Variants in IL1RAPL1 observed in about 807,000 individuals in gnomAD.
IL1RAPL1 encodes interleukin-1 receptor accessory protein-like 1.
A neutral mutation model predicts 48.4 loss-of-function variants in IL1RAPL1; 3 were observed. The observed-to-expected ratio is 0.06, with a 90% CI of 0.03 to 0.16. IL1RAPL1 has a LOEUF of 0.16. Among genes scored for constraint, IL1RAPL1 ranks in the 10% least tolerant of loss-of-function variants. The pLI is 1.00. For missense variants in IL1RAPL1, 349 were observed against 530.6 expected, an observed-to-expected ratio of 0.66 and a Z score of 3.36; for synonymous variants, 185 against 187.7, an observed-to-expected ratio of 0.99 and a Z score of 0.12.
intron 5 of IL1RAPL1, among the ~76,000 whole-genome samples, chrX:29,514,558 C>T (rs758062678): frequency 8.9e-6 from 1 of 112,420 alleles, no homozygotes; most frequent in South Asian, 3.7e-4. Flanking sequence ...AAGCAATTTT[C>T]ATGCCTCAGC....
chrX:29,376,173 G>A (rs1427300732), intron 3 of IL1RAPL1, among the ~76,000 whole-genome samples: 2 of 111,027 alleles, frequency 1.8e-5, no homozygotes, highest in Non-Finnish European at 3.8e-5. Flanking sequence ...GTTAATTTGA[G>A]ATCTTTCTAA....
intron 5 of IL1RAPL1, among the ~76,000 whole-genome samples, chrX:29,506,460 C>CTCCTCCTCCTCA (rs1935330695): frequency 9.2e-6 from 1 of 109,084 alleles, no homozygotes; most frequent in African/African-American, 3.4e-5. Flanking sequence ...CCTCCTCCTC[C>CTCCTCCTCCTCA]TCCTCCTTCT....
At chrX:28,688,611 G>A (rs761509570) in intron 1 of IL1RAPL1, among the ~76,000 whole-genome samples, 1 of 111,841 alleles carries the variant, frequency 8.9e-6, no homozygotes, top group East Asian at 2.8e-4. Context: ...TTTGAAAACA[G>A]GGAAACAGGG....
chrX:28,626,893 A>G (rs1424384556), intron 1 of IL1RAPL1, among the ~76,000 whole-genome samples: 1 of 111,918 alleles, frequency 8.9e-6, no homozygotes, highest in Non-Finnish European at 1.9e-5. Context: ...TGGGTCCTGG[A>G]TCTACAGAAT....
intron 2 of IL1RAPL1, among the ~76,000 whole-genome samples, chrX:28,954,677 T>G (rs903844609): frequency 5.4e-5 from 6 of 111,367 alleles, no homozygotes; most frequent in Non-Finnish European, 1.1e-4. Context: ...ATAACATGCA[T>G]GTATTATTTA....
intron 2 of IL1RAPL1, among the ~76,000 whole-genome samples, chrX:28,803,042 A>G (rs6630768): frequency 0.052 from 5,827 of 111,279 alleles, 319 homozygotes; most frequent in East Asian, 0.31. Flanking sequence ...AGAAATGTTC[A>G]TTGAGATCTT....
chrX:29,322,543 G>A (rs1333323236), intron 3 of IL1RAPL1, among the ~76,000 whole-genome samples: 4 of 112,320 alleles, frequency 3.6e-5, no homozygotes, highest in African/African-American at 1.3e-4. Flanking sequence ...GGGATTACAG[G>A]CATGAGCCAC....
At chrX:29,861,368 G>A (rs989792066) in intron 6 of IL1RAPL1, among the ~76,000 whole-genome samples, 11 of 111,582 alleles carry the variant, frequency 9.9e-5, no homozygotes, top group African/African-American at 3.6e-4. Context: ...TCAGGTGTCA[G>A]TATTTTAATA....
chrX:29,072,054 T>G (rs1487246897), intron 2 of IL1RAPL1, among the ~76,000 whole-genome samples: 2 of 111,239 alleles, frequency 1.8e-5, no homozygotes, highest in Non-Finnish European at 3.8e-5. Context: ...CTGTTCATTA[T>G]TAGTCTCTTC....
chrX:28,830,442 T>C (rs1456509197), intron 2 of IL1RAPL1, among the ~76,000 whole-genome samples: 1 of 111,976 alleles, frequency 8.9e-6, no homozygotes, highest in East Asian at 2.8e-4. Context: ...CTCTGGAGAA[T>C]TTTTTGCTTT....
intron 2 of IL1RAPL1, among the ~76,000 whole-genome samples, chrX:29,123,406 A>T (rs1192836665): frequency 8.9e-6 from 1 of 112,217 alleles, no homozygotes; most frequent in East Asian, 2.8e-4. Context: ...TTGTAAACAG[A>T]TTAAATAAAA....
intron 6 of IL1RAPL1, among the ~76,000 whole-genome samples, chrX:29,788,043 G>T (rs180838089): frequency 3.0e-3 from 335 of 111,924 alleles, no homozygotes; most frequent in Non-Finnish European, 5.1e-3. Context: ...ATTGTCTGTT[G>T]CTATGCACTG....
intron 1 of IL1RAPL1, among the ~76,000 whole-genome samples, chrX:28,722,496 G>A (rs1935598164): frequency 9.0e-6 from 1 of 111,657 alleles, no homozygotes; most frequent in Non-Finnish European, 1.9e-5. Flanking sequence ...TTTGGGCTGA[G>A]ACGATGGGGT....
chrX:29,631,683 C>T, intron 5 of IL1RAPL1, among the ~76,000 whole-genome samples: 1 of 111,374 alleles, frequency 9.0e-6, no homozygotes, highest in East Asian at 2.8e-4. Context: ...GTAGTCCCAC[C>T]TACTCGGAGG....
intron 3 of IL1RAPL1, among the ~76,000 whole-genome samples, chrX:29,341,515 G>A (rs892598297): frequency 8.0e-5 from 9 of 111,901 alleles, no homozygotes; most frequent in African/African-American, 2.6e-4. Flanking sequence ...GAATAATGAT[G>A]ACTAAACTTG....
chrX:29,917,948 C>T (rs1465230165), intron 7 of IL1RAPL1, among the ~76,000 whole-genome samples: 4 of 103,251 alleles, frequency 3.9e-5, no homozygotes, highest in Non-Finnish European at 7.9e-5. Flanking sequence ...CATGGAGAAA[C>T]GTTGTCTCTA....
chrX:29,679,224 C>T (rs188554331), intron 6 of IL1RAPL1, among the ~76,000 whole-genome samples: 93 of 111,551 alleles, frequency 8.3e-4, no homozygotes, highest in Non-Finnish European at 1.2e-3. Context: ...CAGTAAGAAG[C>T]CATTACCATT....
At chrX:29,594,329 A>G (rs1295061489) in intron 5 of IL1RAPL1, among the ~76,000 whole-genome samples, 1 of 111,773 alleles carries the variant, frequency 8.9e-6, no homozygotes, top group Non-Finnish European at 1.9e-5. Context: ...CTGTGCCTGT[A>G]GGGATACCTT....
intron 6 of IL1RAPL1, among the ~76,000 whole-genome samples, chrX:29,803,549 G>GTGTGTATATATGTATATATGTATACATA (rs1569174494): frequency 1.6e-4 from 16 of 98,111 alleles, no homozygotes; most frequent in Admixed American, 6.8e-4. Flanking sequence ...ATATGTATAT[G>GTGTGTATATATGTATATATGTATACATA]TGTGTATATA....
Sources: allele counts gnomAD v4.1 joint callset (sites outside exome capture counted in the v4.1 genomes callset), GRCh38; gene constraint gnomAD v4.1.1; transcripts MANE v1.5; gene names NCBI Gene and HGNC (gene_info 2026-07-23, HGNC 2026-07-21).